The following GLIS1 variants were observed in gnomAD, a reference collection of about 807,000 sequenced individuals.
The protein encoded by GLIS1 is GLIS family zinc finger 1, also known as zinc finger protein GLIS1.
Under a neutral mutation model 63.8 loss-of-function variants are expected in GLIS1, and 24 were observed. The observed-to-expected ratio is 0.38, with a 90% CI of 0.27 to 0.53. The LOEUF is 0.53. Ranked by LOEUF, GLIS1 falls within the 20% of genes least tolerant of loss-of-function variation. The probability of loss-of-function intolerance (pLI) is 0.85; values close to 1 mark genes in which losing one functional copy is unlikely to be tolerated. For missense variants in GLIS1, 1,036 were observed against 1,074.1 expected (o/e 0.96, Z 0.50); for synonymous variants, 450 against 482.5 (o/e 0.93, Z 0.88).
intron 2 of GLIS1, among the ~76,000 whole-genome samples, chr1:53,624,217 C>G (rs546932796): frequency 2.6e-5 from 4 of 152,306 alleles, no homozygotes; most frequent in Non-Finnish European, 5.9e-5. Context: ...ACAGAACAAA[C>G]AAAGTCTACA....
rs1644400329 is a variant in GLIS1, at chr1:53,520,761, A to G, written c.1599T>C (p.His533=). 1.9e-6 allele frequency: 3 copies of G among 1,605,314 alleles called. No individual in the cohort carries two copies. The highest frequency in any genetic ancestry group is 1.3e-5 in the African/African-American group (1 of 74,908). Residue 533 remains histidine, a synonymous_variant, in exon 7 of 11, where the codon CAT becomes CAC. Transcript: ENST00000628545. ...AKEQQVRKKL[H]AGPDTEADVL... ...CGTCGGCCTCGGTGTCAGGGCCCGC[A>G]TGCAGCTGGGGAGCAAGCAGAGGGA...
intron 2 of GLIS1, among the ~76,000 whole-genome samples, chr1:53,628,182 T>C (rs1645615779): frequency 6.6e-6 from 1 of 152,206 alleles, no homozygotes; most frequent in Non-Finnish European, 1.5e-5. Flanking sequence ...GGGGTGCCTT[T>C]AGTGGTCATT....
rs146149603 is a variant in GLIS1 at position 53,727,772 on chromosome 1, C to A, written c.259+10034G>T. Among the ~76,000 whole-genome samples, 1,019 of 152,290 alleles carry A rather than the reference C, an allele frequency of 6.7e-3. 4 individuals carry two copies. Among genetic ancestry groups the A allele is most frequent in the Middle Eastern group, 0.01 (3 of 294 alleles). On this transcript the variant is annotated intron_variant, in intron 2 of 10. Transcript: ENST00000628545. The stretch of plus-strand genomic sequence containing the variant: ...GAGGAGACTCCCCCAGGGTCACTAG[C>A]AATCAAGGGGCAGACCTTATTTTGA...
intron 2 of GLIS1, among the ~76,000 whole-genome samples, chr1:53,717,335 A>G (rs1646711140): frequency 6.6e-6 from 1 of 152,246 alleles, no homozygotes; most frequent in Non-Finnish European, 1.5e-5. Flanking sequence ...GTTCGCTCTT[A>G]TTAAAATTAC....
chr1:53,641,576 G>A (rs1405926055), intron 2 of GLIS1, among the ~76,000 whole-genome samples: 1 of 152,176 alleles, frequency 6.6e-6, no homozygotes, highest in African/African-American at 2.4e-5. Flanking sequence ...CCTGAAAAAT[G>A]TGGGTGAAAA....
chr1:53,614,677 G>A (rs1190333601), intron 2 of GLIS1, among the ~76,000 whole-genome samples: 1 of 152,176 alleles, frequency 6.6e-6, no homozygotes, highest in African/African-American at 2.4e-5. Context: ...GATTAGGGGT[G>A]TTAAAAGCTC....
In GLIS1 at chr1:53,509,181, G is replaced by A. The variant is rs375795005; in HGVS notation, c.2169C>T (p.His723=). Residue 723 remains histidine (H), a synonymous_variant, in exon 10 of 11, where the codon CAC becomes CAT. Coordinates refer to ENST00000628545, the MANE Select transcript of GLIS1 (RefSeq NM_001367484.1). ...CATTGGGCCGCAGGGGGTTGAAACC[G>A]TGGGTCTCCCCGACCAGTCCGTCCC... ...AGGDGLVGET[H]GFNPLRPNGY... The A allele has an allele frequency of 8.3e-5, 133 of 1,601,466 alleles. No individual in the cohort carries two copies. The highest frequency in any genetic ancestry group is 9.9e-5 in the Non-Finnish European group (116 of 1,174,814).
chr1:53,625,627 A>T (rs1645586642), intron 2 of GLIS1, among the ~76,000 whole-genome samples: 1 of 152,170 alleles, frequency 6.6e-6, no homozygotes, highest in African/African-American at 2.4e-5. Flanking sequence ...TTTCTCTGGG[A>T]TATACAGCCA....
At chr1:53,559,584 C>T (rs928083796) in intron 4 of GLIS1, among the ~76,000 whole-genome samples, 3 of 152,194 alleles carry the variant, frequency 2.0e-5, no homozygotes, top group African/African-American at 7.2e-5. Context: ...CACTCACTCA[C>T]CATGCGGCTC....
intron 8 of GLIS1, 43 bp downstream of exon 8, chr1:53,514,582 C>T (rs754811800): frequency 1.3e-6 from 2 of 1,595,000 alleles, no homozygotes; most frequent in South Asian, 2.2e-5. Flanking sequence ...CCCCGAGATC[C>T]CCCCTTGTTG....
rs1490165370 is a variant in GLIS1, at chr1:53,594,411, C to T, written c.1017G>A (p.Leu339=). ...SELFGPHQQG[L]PPPYPLSQLP... ...ACTGAGACAGGGGATAGGGGGGCGG[C>T]AGGCCCTGCTGGTGAGGCCCAAAGA... The change falls in exon 4 of 11, where the codon CTG becomes CTA. Residue 339 remains leucine (L), a synonymous_variant. Transcript: ENST00000628545. The T allele has an allele frequency of 6.2e-7, 1 of 1,612,294 alleles. No homozygotes were observed. Among genetic ancestry groups the T allele is most frequent in the Non-Finnish European group, 8.5e-7 (1 of 1,179,544 alleles).
rs11297748 is a variant in GLIS1 at position 53,674,171 on chromosome 1, C to CA, written c.259+63634dup. Among the ~76,000 whole-genome samples the CA allele has an allele frequency of 5.6e-3, 525 of 93,898 alleles. 10 individuals are homozygous for CA. In the East Asian group the frequency reaches 0.068, roughly 12 times the overall value. 61.6% of individuals were successfully genotyped at this position (93,898 alleles called of 152,430 possible). A position where few individuals can be genotyped will look rare whatever the true frequency, so the allele number is the denominator to read the frequency against. On this transcript the variant is annotated intron_variant, in intron 2 of 10. Transcript: ENST00000628545. Reference sequence around the variant, plus strand: ...TGGGTGACAGAGCGAGACTCTGTCTCAAAAAAAAAAAAAAAAAAGAAAAGA... The same window carrying CA: ...TGGGTGACAGAGCGAGACTCTGTCTCAAAAAAAAAAAAAAAAAAAGAAAAGA...
chr1:53,697,208 A>G (rs1214400425), intron 2 of GLIS1, among the ~76,000 whole-genome samples: 1 of 152,194 alleles, frequency 6.6e-6, no homozygotes, highest in Non-Finnish European at 1.5e-5. Flanking sequence ...CTCTGTAAGG[A>G]AAGTGGAGGA....
At chr1:53,562,566 C>T (rs1644902544) in intron 4 of GLIS1, among the ~76,000 whole-genome samples, 1 of 152,156 alleles carries the variant, frequency 6.6e-6, no homozygotes, top group African/African-American at 2.4e-5. Context: ...GCAACCCCAC[C>T]CTCTCAGCTG....
At chr1:53,728,984 G>A (rs1646832193) in intron 2 of GLIS1, among the ~76,000 whole-genome samples, 1 of 152,240 alleles carries the variant, frequency 6.6e-6, no homozygotes, top group Admixed American at 6.5e-5. Context: ...CTACAGATGT[G>A]TGTAGATGCT....
intron 2 of GLIS1, among the ~76,000 whole-genome samples, chr1:53,729,478 G>A (rs1646838057): frequency 2.0e-5 from 3 of 151,044 alleles, no homozygotes; most frequent in Admixed American, 1.3e-4. Context: ...ACAAGCAGGC[G>A]GGAAAAAGAC....
At chr1:53,735,330 T>A (rs553812237) in intron 2 of GLIS1, among the ~76,000 whole-genome samples, 9 of 152,328 alleles carry the variant, frequency 5.9e-5, no homozygotes, top group African/African-American at 2.2e-4. Context: ...CCTGCACGAA[T>A]TAATAAAAGT....
chr1:53,509,982 C>G lies in GLIS1; in HGVS notation c.1929G>C (p.Gly643=). The G allele has an allele frequency of 7.8e-7, 1 of 1,289,780 alleles. No individual in the cohort carries two copies. The highest frequency in any genetic ancestry group is 9.9e-7 in the Non-Finnish European group (1 of 1,010,744). 79.9% of individuals were successfully genotyped at this position (1,289,780 alleles called of 1,614,324 possible). Residue 643 remains glycine (G), a synonymous_variant, in exon 9 of 11, where the codon GGG becomes GGC. Transcript: ENST00000628545. ...ATGGGGGCAGCGGCGGTGGCCCCAG[C>G]CCCTTCAGGGGGCTGACTATTGGTG... ...LLSPIVSPLK[G]LGPPPLPPSS... is the part of the protein sequence containing the mutation.
chr1:53,568,131 C>T (rs1644952486), intron 4 of GLIS1, among the ~76,000 whole-genome samples: 1 of 152,222 alleles, frequency 6.6e-6, no homozygotes, highest in African/African-American at 2.4e-5. Context: ...TGCAGAGCCA[C>T]AGGGATGGAG....
Sources: gnomAD v4.1 joint callset for allele counts (sites outside exome capture counted in the v4.1 genomes callset) on GRCh38, gnomAD v4.1.1 for gene constraint, MANE v1.5 for transcripts, NCBI Gene and HGNC (gene_info 2026-07-23, HGNC 2026-07-21) for gene names.